The following RBFOX3 variants were observed in gnomAD, a reference collection of about 807,000 sequenced individuals.
RBFOX3 encodes the protein RNA binding protein fox-1 homolog 3.
Under a neutral mutation model 48.7 loss-of-function variants are expected in RBFOX3, and 17 were observed. The observed-to-expected ratio is 0.35, with a 90% CI of 0.24 to 0.52. The LOEUF is 0.52. Among genes scored for constraint, RBFOX3 ranks in the 20% least tolerant of loss-of-function variants. The pLI, the probability that RBFOX3 is intolerant of heterozygous loss-of-function variation, is 0.94. For missense variants in RBFOX3, 382 were observed against 497.5 expected (o/e 0.77, Z 2.21); for synonymous variants, 212 against 209.5 (o/e 1.01, Z -0.10).
intron 3 of RBFOX3, among the ~76,000 whole-genome samples, chr17:79,290,295 G>A (rs746960871): frequency 5.3e-5 from 8 of 152,140 alleles, no homozygotes; most frequent in Non-Finnish European, 7.4e-5. Flanking sequence ...GATGGCTCGT[G>A]GCTAGGAATG....
chr17:79,113,894 G>A (rs1035918345), intron 5 of RBFOX3, among the ~76,000 whole-genome samples: 2 of 152,200 alleles, frequency 1.3e-5, no homozygotes, highest in African/African-American at 4.8e-5. Flanking sequence ...GTGTGTCCTG[G>A]TAGGCTGTGT....
At chr17:79,173,215 AATAAATAC>A (rs2049756145) in intron 4 of RBFOX3, among the ~76,000 whole-genome samples, 2 of 87,794 alleles carry the variant, frequency 2.3e-5, no homozygotes, top group Non-Finnish European at 4.1e-5. Flanking sequence ...CAAATAAATA[AATAAATAC>A]ATACATACAT....
At chr17:79,454,065 G>A (rs1332415017) in intron 2 of RBFOX3, among the ~76,000 whole-genome samples, 1 of 152,094 alleles carries the variant, frequency 6.6e-6, no homozygotes, top group African/African-American at 2.4e-5. Flanking sequence ...TGCACAGGAG[G>A]GCACCTCTCA....
intron 1 of RBFOX3, among the ~76,000 whole-genome samples, chr17:79,585,302 T>G (rs991621223): frequency 3.3e-5 from 5 of 151,924 alleles, no homozygotes; most frequent in Non-Finnish European, 7.4e-5. Context: ...ACGCCTGTAA[T>G]CCCAGCAATC....
chr17:79,621,918 C>A, the RBFOX3 span, among the ~76,000 whole-genome samples: 1 of 152,090 alleles, frequency 6.6e-6, no homozygotes, highest in Non-Finnish European at 1.5e-5. Flanking sequence ...AAGAGACACC[C>A]GAATCCGGGG....
chr17:79,639,161 A>T, the RBFOX3 span, among the ~76,000 whole-genome samples: 25 of 151,808 alleles, frequency 1.6e-4, no homozygotes, highest in Non-Finnish European at 3.2e-4. Context: ...AATTTTATTT[A>T]TTTTTTTATT....
rs1041718920 is a variant in RBFOX3, at chr17:79,249,843, A to G, written c.-73-14038T>C. 6.6e-6 allele frequency among the ~76,000 whole-genome samples: 1 copy of G among 152,114 alleles called. No homozygotes were observed. The highest frequency in any genetic ancestry group is 1.5e-5 in the Non-Finnish European group (1 of 68,016). On this transcript the variant is annotated intron_variant, in intron 3 of 14. Coordinates refer to ENST00000693108, the MANE Select transcript of RBFOX3 (RefSeq NM_001350451.2). The surrounding 1 kb of genome is among the most constrained non-coding windows in gnomAD (Gnocchi z 4.1). ...TGTCCCTAGATAGGCTTCTTCTGCC[A>G]TGCCAGTCATTTCTGTATCTGTGTG...
intron 2 of RBFOX3, among the ~76,000 whole-genome samples, chr17:79,406,677 C>A (rs1298720907): frequency 6.6e-6 from 1 of 152,178 alleles, no homozygotes; most frequent in Non-Finnish European, 1.5e-5. Context: ...TCCTACCTTC[C>A]CAACATGACC....
chr17:79,191,224 A>C (rs1286505717), intron 4 of RBFOX3, among the ~76,000 whole-genome samples: 3 of 152,220 alleles, frequency 2.0e-5, no homozygotes, highest in Non-Finnish European at 4.4e-5. Context: ...CTGGGCAAGG[A>C]GAGGCCACAT....
intron 2 of RBFOX3, among the ~76,000 whole-genome samples, chr17:79,397,174 T>A (rs2062094124): frequency 6.6e-6 from 1 of 152,146 alleles, no homozygotes; most frequent in African/African-American, 2.4e-5. Context: ...TACATTCAAA[T>A]AAGTGACTAT....
At chr17:79,463,475 TCCA>T (rs2075793220) in intron 2 of RBFOX3, among the ~76,000 whole-genome samples, 1 of 64,596 alleles carries the variant, frequency 1.5e-5, no homozygotes. Context: ...CACTGCCACC[TCCA>T]CTGCCATCGC....
At chr17:79,172,805 T>C (rs1385242911) in intron 4 of RBFOX3, among the ~76,000 whole-genome samples, 1 of 152,370 alleles carries the variant, frequency 6.6e-6, no homozygotes, top group East Asian at 1.9e-4. Context: ...GTTAACGATC[T>C]CTCATAGTTT....
intron 3 of RBFOX3, among the ~76,000 whole-genome samples, chr17:79,286,763 A>T (rs758691261): frequency 5.3e-5 from 8 of 152,210 alleles, no homozygotes; most frequent in Admixed American, 2.6e-4. Flanking sequence ...GTGCGTTAAC[A>T]TAGAAGCTGG....
chr17:79,316,646 C>T (rs2077581513), intron 2 of RBFOX3, among the ~76,000 whole-genome samples: 1 of 152,266 alleles, frequency 6.6e-6, no homozygotes, highest in Non-Finnish European at 1.5e-5. Context: ...CAGACCCCTG[C>T]ACATCTGCTT....
rs1405333625 is a variant in RBFOX3 at position 79,481,339 on chromosome 17, G to T, written c.-175+1115C>A. ...CAGCTTTGCATTGTCTATCAGCAGG[G>T]AATGGGGCTGCACTGAACCTCATGG... On this transcript the variant is annotated intron_variant, in intron 2 of 14. Transcript: ENST00000693108. This position sits in a 1 kb window ranked among gnomAD's most constrained non-coding sequence, Gnocchi z 5.4. Among the ~76,000 whole-genome samples, 2 of 152,186 alleles carry T rather than the reference G, an allele frequency of 1.3e-5. No homozygotes were observed. The highest frequency in any genetic ancestry group is 2.9e-5 in the Non-Finnish European group (2 of 68,034).
chr17:79,657,842 C>T, the RBFOX3 span, among the ~76,000 whole-genome samples: 43 of 152,316 alleles, frequency 2.8e-4, no homozygotes, highest in East Asian at 7.1e-3. Context: ...TGTTTCCCTC[C>T]GTTTTTAAAG....
At chr17:79,261,953 C>T (rs1015666700) in intron 3 of RBFOX3, among the ~76,000 whole-genome samples, 1 of 152,230 alleles carries the variant, frequency 6.6e-6, no homozygotes, top group African/African-American at 2.4e-5. Flanking sequence ...GGCGTACGAA[C>T]ACCTGCAATA....
At chr17:79,474,254 C>T (rs1251614190) in intron 2 of RBFOX3, among the ~76,000 whole-genome samples, 2 of 152,194 alleles carry the variant, frequency 1.3e-5, no homozygotes, top group African/African-American at 4.8e-5. Context: ...GGCCCTTGAT[C>T]ATTTTGAATC....
intron 4 of RBFOX3, among the ~76,000 whole-genome samples, chr17:79,166,889 GCC>G (rs1431565722): frequency 3.9e-5 from 6 of 152,324 alleles, no homozygotes; most frequent in African/African-American, 1.2e-4. Context: ...TTGCACACCT[GCC>G]AAAGAGTGAA....
Sources: allele counts gnomAD v4.1 joint callset (sites outside exome capture counted in the v4.1 genomes callset), GRCh38; gene constraint gnomAD v4.1.1; non-coding constraint Gnocchi (gnomAD v3.1); transcripts MANE v1.5; gene names NCBI Gene and HGNC (gene_info 2026-07-23, HGNC 2026-07-21).